The following GTF2IRD2B variants were observed in gnomAD, a reference collection of about 807,000 sequenced individuals.
GTF2IRD2B encodes GTF2I repeat domain containing 2B.
A neutral mutation model predicts 55.6 loss-of-function variants in GTF2IRD2B; 10 were observed. That is an observed-to-expected ratio of 0.18 (90% confidence interval 0.11 to 0.31). The LOEUF is 0.31. GTF2IRD2B is among the 10% of genes least tolerant of loss of function. The pLI, the probability that GTF2IRD2B is intolerant of heterozygous loss-of-function variation, is 1.00. For synonymous variants in GTF2IRD2B, 107 were observed against 320.5 expected, an observed-to-expected ratio of 0.33 and a Z score of 7.12; for missense variants, 206 against 802.7, an observed-to-expected ratio of 0.26 and a Z score of 8.98.
At position 75,117,959 on chromosome 7, in the gene GTF2IRD2B, T is replaced by A. The variant is rs1472972612; in HGVS notation, c.239-2932T>A. Among the ~76,000 whole-genome samples, 5 of 151,496 alleles carry A rather than the reference T, an allele frequency of 3.3e-5. No homozygotes were observed. The Admixed American group carries it at 3.3e-4, about 10-fold the overall frequency. ...TTAGCTGGGTGTGGTGGCATGCACC[T>A]GTAATCCCAGCTACTCGGGAGGCTG... On this transcript the variant is annotated intron_variant, in intron 3 of 15. Transcript: ENST00000472837.
chr7:75,118,932 T>C (rs1250990271), intron 3 of GTF2IRD2B, among the ~76,000 whole-genome samples: 12 of 129,220 alleles, frequency 9.3e-5, no homozygotes, highest in South Asian at 2.6e-4. Flanking sequence ...TGGTAGTGCA[T>C]GCCTATAATC....
chr7:75,117,734 CAT>C (rs1160250487), intron 3 of GTF2IRD2B, among the ~76,000 whole-genome samples: 4 of 152,278 alleles, frequency 2.6e-5, no homozygotes, highest in Admixed American at 1.3e-4. Context: ...CTACAAAATA[CAT>C]ATATATATAC....
At chr7:75,119,465 C>T (rs2529250) in intron 3 of GTF2IRD2B, among the ~76,000 whole-genome samples, 44 of 108,444 alleles carry the variant, frequency 4.1e-4, no homozygotes, top group Non-Finnish European at 4.6e-4. Context: ...ACCAGCCTGG[C>T]CAACATGGTG....
chr7:75,096,866 T>C (rs1807395887), intron 1 of GTF2IRD2B, among the ~76,000 whole-genome samples: 2 of 135,596 alleles, frequency 1.5e-5, no homozygotes, highest in African/African-American at 6.1e-5. Context: ...CGGCTCAGTG[T>C]GGTGGCTCAC....
chr7:75,123,150 A>G lies in GTF2IRD2B; in HGVS notation c.373A>G (p.Thr125Ala), dbSNP rs1481489963. 1 of 1,514,626 alleles carries G rather than the reference A, an allele frequency of 6.6e-7. No homozygotes were observed. 93.8% of individuals were successfully genotyped at this position (1,514,626 alleles called of 1,614,324 possible). A position where few individuals can be genotyped will look rare whatever the true frequency, so the allele number is the denominator to read the frequency against. ...FCFCYGKALG[T>A]TVMVPVPYEK... ...TCTTCTTGTAGGTAAAGCCTTAGGG[A>G]CAACAGTGATGGTGCCTGTTCCCTA... Residue 125 changes from threonine (T) to alanine (A), a missense_variant, in exon 5 of 16, where the codon ACA becomes GCA. Coordinates refer to ENST00000472837, the MANE Select transcript of GTF2IRD2B (RefSeq NM_001003795.3).
At chr7:75,127,025 A>C (rs587748595) in intron 8 of GTF2IRD2B, among the ~76,000 whole-genome samples, 1 of 37,116 alleles carries the variant, frequency 2.7e-5, no homozygotes, top group Non-Finnish European at 8.2e-5. Context: ...AAACAAAAAC[A>C]AAAAAAACAA....
chr7:75,133,391 T>C (rs1209440134), intron 9 of GTF2IRD2B, among the ~76,000 whole-genome samples, 179 bp downstream of exon 9: 50 of 146,998 alleles, frequency 3.4e-4, no homozygotes, highest in African/African-American at 1.3e-3. Flanking sequence ...CCTAAATCCA[T>C]GTACTCTTTT....
chr7:75,130,526 G>A (rs1554452862), intron 8 of GTF2IRD2B, among the ~76,000 whole-genome samples: 1 of 151,614 alleles, frequency 6.6e-6, no homozygotes, highest in African/African-American at 2.4e-5. Flanking sequence ...CGCCCAGACT[G>A]GAGTACAGTG....
intron 3 of GTF2IRD2B, among the ~76,000 whole-genome samples, chr7:75,116,666 G>T: frequency 7.6e-6 from 1 of 131,626 alleles, no homozygotes; most frequent in Non-Finnish European, 1.6e-5. Context: ...TCTTTGAGAT[G>T]GAGTCTTGCT....
chr7:75,117,820 C>T (rs1178204045), intron 3 of GTF2IRD2B, among the ~76,000 whole-genome samples: 1 of 152,272 alleles, frequency 6.6e-6, no homozygotes, highest in Non-Finnish European at 1.5e-5. Flanking sequence ...TGGTGGCTCA[C>T]ACCTGTAATT....
chr7:75,130,616 T>A (rs1357181398), intron 8 of GTF2IRD2B, among the ~76,000 whole-genome samples: 1 of 151,540 alleles, frequency 6.6e-6, no homozygotes, highest in East Asian at 1.9e-4. Flanking sequence ...TAGCTGGGAT[T>A]ACAGGTGCCC....
chr7:75,104,699 G>C (rs1190333532), intron 1 of GTF2IRD2B, among the ~76,000 whole-genome samples: 1 of 152,260 alleles, frequency 6.6e-6, no homozygotes, highest in Admixed American at 6.5e-5. Context: ...AACTTAACAC[G>C]TCTTTGCCGT....
chr7:75,117,766 T>A (rs1209008187), intron 3 of GTF2IRD2B, among the ~76,000 whole-genome samples: 1 of 152,284 alleles, frequency 6.6e-6, no homozygotes, highest in Non-Finnish European at 1.5e-5. Flanking sequence ...TTGGCCTTTT[T>A]TCTTTTTTAT....
intron 3 of GTF2IRD2B, among the ~76,000 whole-genome samples, chr7:75,116,361 CAG>C (rs1554451341): frequency 2.0e-5 from 3 of 151,284 alleles, no homozygotes; most frequent in Non-Finnish European, 4.4e-5. Context: ...ATTTCCTTTG[CAG>C]ATTGTTCATT....
chr7:75,115,951 G>T (rs1584533055), intron 3 of GTF2IRD2B, among the ~76,000 whole-genome samples: 8 of 112,800 alleles, frequency 7.1e-5, no homozygotes, highest in Admixed American at 3.1e-4. Flanking sequence ...ACAGAGTCTT[G>T]CTCTGTTGCC....
chr7:75,115,878 T>A (rs1225705432), intron 3 of GTF2IRD2B, among the ~76,000 whole-genome samples: 1 of 151,758 alleles, frequency 6.6e-6, no homozygotes, highest in African/African-American at 2.4e-5. Flanking sequence ...ACATGAGATG[T>A]CTTTCCATTT....
chr7:75,101,700 C>T (rs1807565837), intron 1 of GTF2IRD2B, among the ~76,000 whole-genome samples: 1 of 150,222 alleles, frequency 6.7e-6, no homozygotes, highest in Non-Finnish European at 1.5e-5. Context: ...CAAGACCAGC[C>T]TGGGCAACAT....
chr7:75,099,899 G>C (rs1463612779), intron 1 of GTF2IRD2B, among the ~76,000 whole-genome samples: 1 of 130,238 alleles, frequency 7.7e-6, no homozygotes, highest in Admixed American at 7.5e-5. Context: ...GATCACCTGA[G>C]GTCAGGGGTT....
chr7:75,105,005 C>G (rs1351499449), intron 1 of GTF2IRD2B, among the ~76,000 whole-genome samples: 1 of 152,300 alleles, frequency 6.6e-6, no homozygotes, highest in Non-Finnish European at 1.5e-5. Context: ...GGAGACCAGT[C>G]TGGGCAACAT....
Sources: allele counts gnomAD v4.1 joint callset (sites outside exome capture counted in the v4.1 genomes callset), GRCh38; gene constraint gnomAD v4.1.1; transcripts MANE v1.5; gene names NCBI Gene and HGNC (gene_info 2026-07-23, HGNC 2026-07-21).